The following AZIN1 variants were observed in gnomAD, a reference collection of about 807,000 sequenced individuals.
The protein encoded by AZIN1 is antizyme inhibitor 1, also known as ornithine decarboxylase antizyme inhibitor.
Under a neutral mutation model 47.4 loss-of-function variants are expected in AZIN1, and 12 were observed. The ratio of observed to expected loss-of-function variants is 0.25; its 90% CI spans 0.16 to 0.41. The LOEUF (loss-of-function observed/expected upper bound fraction) is 0.41, where lower values mean the gene tolerates loss of function less well. Ranked by LOEUF, AZIN1 falls within the 10% of genes least tolerant of loss-of-function variation. The pLI is 1.00. For synonymous variants in AZIN1, 155 were observed against 176.3 expected (o/e 0.88, Z 0.96); for missense variants, 410 against 532.4 (o/e 0.77, Z 2.26).
chr8:102,838,390 C>A (rs1454003876), intron 5 of AZIN1, among the ~76,000 whole-genome samples: 11 of 152,050 alleles, frequency 7.2e-5, no homozygotes, highest in Admixed American at 7.2e-4. Flanking sequence ...AAATGCTGAC[C>A]AAAGTTTATC....
chr8:102,849,846 T>C (rs535300508), intron 2 of AZIN1, among the ~76,000 whole-genome samples: 1 of 152,272 alleles, frequency 6.6e-6, no homozygotes, highest in Non-Finnish European at 1.5e-5. Flanking sequence ...AATACATTTT[T>C]CCATGAAGAG....
rs1811202689 is a variant in AZIN1, at chr8:102,828,008, T to C, written c.*559A>G. On this transcript the variant is annotated 3_prime_UTR_variant, in exon 12 of 12. Transcript: ENST00000337198. ...GTTTTAGCCTGAAAAAACAGTAAAA[T>C]CTACACAAAATTTTATTGCAATCAT... is the stretch of plus-strand genomic sequence containing the variant. 6.6e-6 allele frequency: 1 copy of C among 152,596 alleles called. No individual in the cohort carries two copies. The highest frequency in any genetic ancestry group is 2.4e-5 in the African/African-American group (1 of 41,432). The allele number at this position is 152,596 out of a possible 1,614,324, so 9.5% of individuals were successfully genotyped here.
chr8:102,829,725 T>C, intron 10 of AZIN1, 96 bp downstream of exon 10: 2 of 987,512 alleles, frequency 2.0e-6, no homozygotes, highest in Non-Finnish European at 3.1e-6. Flanking sequence ...TTTTCCCCAT[T>C]CTAAGATGTT....
chr8:102,828,729 G>T, intron 11 of AZIN1, 51 bp from the exon 12 acceptor site: 1 of 1,127,554 alleles, frequency 8.9e-7, no homozygotes. Flanking sequence ...CAAAGACCAC[G>T]TAATCACATA....
At chr8:102,842,172 T>C (rs578069344) in intron 3 of AZIN1, among the ~76,000 whole-genome samples, 9 of 151,996 alleles carry the variant, frequency 5.9e-5, no homozygotes, top group South Asian at 4.2e-4. Context: ...TCTGTAGAAG[T>C]TGACTCCTAG....
rs74676487 is a variant in AZIN1, at chr8:102,852,540, A to G, written c.-96+5473T>C. Among the ~76,000 whole-genome samples the G allele has an allele frequency of 0.014, 2,070 of 152,292 alleles. 114 individuals carry two copies. In the East Asian group the frequency reaches 0.2, roughly 15 times the overall value. On this transcript the variant is annotated intron_variant, in intron 2 of 11. Coordinates refer to ENST00000337198, the MANE Select transcript of AZIN1 (RefSeq NM_148174.4). ...CAGTGAGACTGAACCACTGCACTCC[A>G]GCCTGGGCAACAAAGGTGAAACTCC...
chr8:102,832,078 A>G (rs538119669), intron 9 of AZIN1, among the ~76,000 whole-genome samples: 1 of 152,340 alleles, frequency 6.6e-6, no homozygotes, highest in Admixed American at 6.5e-5. Flanking sequence ...AAAATTAATC[A>G]TGAGGAATCA....
At chr8:102,856,808 A>G (rs1048170796) in intron 2 of AZIN1, among the ~76,000 whole-genome samples, 2 of 152,246 alleles carry the variant, frequency 1.3e-5, no homozygotes, top group Non-Finnish European at 2.9e-5. Context: ...GTATTGAAAC[A>G]GCAATGACCC....
chr8:102,857,155 T>A (rs1398834199), intron 2 of AZIN1, among the ~76,000 whole-genome samples: 4 of 152,208 alleles, frequency 2.6e-5, no homozygotes, highest in Non-Finnish European at 5.9e-5. Flanking sequence ...TTTCCTTCTC[T>A]TTAGCCTTAA....
At chr8:102,846,110 A>T (rs1352301532) in intron 2 of AZIN1, among the ~76,000 whole-genome samples, 1 of 152,212 alleles carries the variant, frequency 6.6e-6, no homozygotes, top group East Asian at 1.9e-4. Context: ...TATTGATTAT[A>T]AACGACAACA....
At chr8:102,861,416 T>C (rs560519982) in intron 1 of AZIN1, among the ~76,000 whole-genome samples, 43 of 151,166 alleles carry the variant, frequency 2.8e-4, no homozygotes, top group African/African-American at 9.7e-4. Context: ...TTAGTAGAGA[T>C]GGAGTTTCAG....
rs922885322 is a variant in AZIN1, at chr8:102,827,044, C to A, written c.*1523G>T. The A allele has an allele frequency of 1.3e-5, 2 of 152,604 alleles. No individual in the cohort carries two copies. Among genetic ancestry groups the A allele is most frequent in the Admixed American group, 6.5e-5 (1 of 15,276 alleles). 9.5% of individuals were successfully genotyped at this position (152,604 alleles called of 1,614,324 possible). ...TTTATTAGAGATTCATGATCAATTTCTTTCCACCTCGAAATCAAGGTGTAA... is the reference window on the plus strand; with the variant it reads ...TTTATTAGAGATTCATGATCAATTTATTTCCACCTCGAAATCAAGGTGTAA... On this transcript the variant is annotated 3_prime_UTR_variant, in exon 12 of 12. Coordinates refer to ENST00000337198, the MANE Select transcript of AZIN1 (RefSeq NM_148174.4).
chr8:102,863,355 G>A (rs980062968), intron 1 of AZIN1, among the ~76,000 whole-genome samples: 4 of 151,374 alleles, frequency 2.6e-5, no homozygotes, highest in African/African-American at 9.7e-5. Flanking sequence ...GGCTTCGGGA[G>A]GCAAAGGTGG....
At chr8:102,836,589 C>G (rs1422872081) in intron 5 of AZIN1, 199 bp from the exon 6 acceptor site, 3 of 555,420 alleles carry the variant, frequency 5.4e-6, no homozygotes, top group South Asian at 2.5e-5. Context: ...ATGAAGCTTA[C>G]AAGGATGGGA....
intron 9 of AZIN1, among the ~76,000 whole-genome samples, chr8:102,831,884 G>A (rs1331523518): frequency 6.6e-6 from 1 of 152,100 alleles, no homozygotes; most frequent in Non-Finnish European, 1.5e-5. Flanking sequence ...TAAGCCGGGA[G>A]GTGGAGACTG....
chr8:102,852,072 T>G (rs753333475), intron 2 of AZIN1, among the ~76,000 whole-genome samples: 8 of 152,222 alleles, frequency 5.3e-5, no homozygotes, highest in Non-Finnish European at 1.5e-5. Flanking sequence ...AGTATTATTT[T>G]TGGGGTGATT....
At chr8:102,848,833 A>C (rs1206189655) in intron 2 of AZIN1, among the ~76,000 whole-genome samples, 2 of 152,248 alleles carry the variant, frequency 1.3e-5, no homozygotes, top group Non-Finnish European at 2.9e-5. Context: ...GAAAGCACTA[A>C]GAAATATTTT....
chr8:102,857,362 T>C (rs996650615), intron 2 of AZIN1, among the ~76,000 whole-genome samples: 3 of 152,086 alleles, frequency 2.0e-5, no homozygotes, highest in Admixed American at 1.3e-4. Context: ...AAAATCTGAA[T>C]TTCCGTAACA....
chr8:102,842,504 G>A (rs908515243), intron 3 of AZIN1, among the ~76,000 whole-genome samples: 5 of 151,472 alleles, frequency 3.3e-5, no homozygotes, highest in African/African-American at 9.7e-5. Context: ...TCAGGAGTTC[G>A]AGACCAGCCT....
Sources: allele counts gnomAD v4.1 joint callset (sites outside exome capture counted in the v4.1 genomes callset), GRCh38; gene constraint gnomAD v4.1.1; transcripts MANE v1.5; gene names NCBI Gene and HGNC (gene_info 2026-07-23, HGNC 2026-07-21).